The following TEF variants were observed in gnomAD, a reference collection of about 807,000 sequenced individuals.
The protein encoded by TEF is TEF transcription factor, PAR bZIP family member, also known as thyrotroph embryonic factor.
A neutral mutation model predicts 20.8 loss-of-function variants in TEF; 3 were observed. That is an observed-to-expected ratio of 0.14 (90% confidence interval 0.07 to 0.37). TEF has a LOEUF of 0.37. TEF is among the 10% of genes least tolerant of loss of function. TEF has a pLI of 1.00. For missense variants in TEF, 296 were observed against 397.9 expected, an observed-to-expected ratio of 0.74 and a Z score of 2.18; for synonymous variants, 180 against 171.1, an observed-to-expected ratio of 1.05 and a Z score of -0.41.
upstream of TEF, among the ~76,000 whole-genome samples, chr22:41,379,083 G>C (rs527437054): frequency 1.3e-3 from 203 of 152,288 alleles, no homozygotes; most frequent in African/African-American, 4.7e-3. Flanking sequence ...GCTCACGCCT[G>C]TAATCCCAGC....
intron 1 of TEF, chr22:41,370,149 TC>T (rs2145958441): frequency 1.0e-6 from 1 of 966,744 alleles, no homozygotes; most frequent in South Asian, 4.8e-5. Context: ...AGAGTCTTGC[TC>T]TATCGCCAGG....
upstream of TEF, among the ~76,000 whole-genome samples, chr22:41,380,170 G>A (rs190109402): frequency 2.5e-4 from 38 of 151,836 alleles, no homozygotes; most frequent in Admixed American, 2.1e-3. Flanking sequence ...TTATTTTTTT[G>A]ACATGGAGTC....
chr22:41,382,400 G>A (rs1371236092), intron 1 of TEF, among the ~76,000 whole-genome samples, 199 bp downstream of exon 1: 3 of 152,018 alleles, frequency 2.0e-5, no homozygotes, highest in Non-Finnish European at 4.4e-5. Flanking sequence ...GAGACGGTGG[G>A]TCTGGCGGGA....
At chr22:41,385,047 G>C (rs568917871) in intron 1 of TEF, among the ~76,000 whole-genome samples, 1 of 152,114 alleles carries the variant, frequency 6.6e-6, no homozygotes, top group Admixed American at 6.6e-5. Context: ...ATCCCACTGC[G>C]CATGGCTGTA....
intron 3 of TEF, among the ~76,000 whole-genome samples, chr22:41,395,052 G>A (rs1440800149): frequency 6.6e-6 from 1 of 152,162 alleles, no homozygotes; most frequent in East Asian, 1.9e-4. Flanking sequence ...TGTCACCCAG[G>A]CTGGAGTGCA....
intron 3 of TEF, 87 bp from the exon 4 acceptor site, chr22:41,395,658 G>A: frequency 7.4e-7 from 1 of 1,358,840 alleles, no homozygotes; most frequent in Non-Finnish European, 1.0e-6. Context: ...CACCAGATGA[G>A]TTAGGGGAAT....
Position 41,396,486 on chromosome 22 carries a change from C to T in TEF, c.*526C>T, listed in dbSNP as rs767522447. ...CTTCCTTGGAAGCAGGACACACCAGCTCCTCCGTCAGTGTCTGCATGGGTA... is the reference window on the plus strand; with the variant it reads ...CTTCCTTGGAAGCAGGACACACCAGTTCCTCCGTCAGTGTCTGCATGGGTA... On this transcript the variant is annotated 3_prime_UTR_variant, in exon 4 of 4. Coordinates refer to ENST00000266304, the MANE Select transcript of TEF (RefSeq NM_003216.4). 2.1e-4 allele frequency: 35 copies of T among 165,470 alleles called. No individual in the cohort carries two copies. Among genetic ancestry groups the T allele is most frequent in the Non-Finnish European group, 3.9e-4 (30 of 77,258 alleles). 10.3% of individuals were successfully genotyped at this position (165,470 alleles called of 1,614,324 possible).
In TEF at chr22:41,398,064, G is replaced by A. The variant is rs1041427977; in HGVS notation, c.*2104G>A. 2 of 152,150 alleles carry A rather than the reference G, an allele frequency of 1.3e-5. No individual in the cohort carries two copies. Among genetic ancestry groups the A allele is most frequent in the Non-Finnish European group, 2.9e-5 (2 of 68,040 alleles). The allele number at this position is 152,150 out of a possible 1,614,324, so 9.4% of individuals were successfully genotyped here. A position where few individuals can be genotyped will look rare whatever the true frequency, so the allele number is the denominator to read the frequency against. On this transcript the variant is annotated 3_prime_UTR_variant, in exon 4 of 4. Coordinates refer to ENST00000266304, the MANE Select transcript of TEF (RefSeq NM_003216.4). ...CTTTCCCCCAGGCAGTGGGTATCGG[G>A]TTCTTTCCCAAAGTGCTTACTTGGA...
At chr22:41,392,810 G>A (rs543727266) in intron 2 of TEF, among the ~76,000 whole-genome samples, 1 of 152,088 alleles carries the variant, frequency 6.6e-6, no homozygotes, top group Non-Finnish European at 1.5e-5. Flanking sequence ...GCCGAGGCGG[G>A]TGGATCACTT....
At chr22:41,372,835 G>T (rs547096838) in intron 1 of TEF, among the ~76,000 whole-genome samples, 6 of 152,248 alleles carry the variant, frequency 3.9e-5, no homozygotes, top group African/African-American at 1.4e-4. Context: ...TGGAGGCCTG[G>T]AGGGTGAGGA....
chr22:41,395,545 A>T (rs148282088), intron 3 of TEF, among the ~76,000 whole-genome samples, 200 bp from the exon 4 acceptor site: 50 of 152,170 alleles, frequency 3.3e-4, no homozygotes, highest in African/African-American at 9.6e-4. Flanking sequence ...AACGTACCAA[A>T]TAACTTTTGT....
chr22:41,376,571 C>T (rs1053656959), intron 1 of TEF, among the ~76,000 whole-genome samples: 2 of 152,192 alleles, frequency 1.3e-5, no homozygotes, highest in Non-Finnish European at 2.9e-5. Context: ...GTTTCTGGAA[C>T]AGTCGTGACT....
At chr22:41,395,121 C>T (rs928511536) in intron 3 of TEF, among the ~76,000 whole-genome samples, 1 of 152,132 alleles carries the variant, frequency 6.6e-6, no homozygotes, top group Non-Finnish European at 1.5e-5. Flanking sequence ...ATTCTTGTGC[C>T]TCACCCTCCT....
At chr22:41,387,831 A>G (rs369842133) in intron 2 of TEF, among the ~76,000 whole-genome samples, 163 bp downstream of exon 2, 1 of 152,156 alleles carries the variant, frequency 6.6e-6, no homozygotes, top group South Asian at 2.1e-4. Flanking sequence ...CCTTCCACAC[A>G]GTTCCCCGAG....
intron 1 of TEF, among the ~76,000 whole-genome samples, chr22:41,376,445 C>T (rs1257735396): frequency 2.0e-5 from 3 of 152,184 alleles, no homozygotes; most frequent in Non-Finnish European, 2.9e-5. Flanking sequence ...CCAGGCTGGT[C>T]TTGAACTGCT....
chr22:41,382,668 A>G (rs1248729842), intron 1 of TEF, among the ~76,000 whole-genome samples: 9 of 152,018 alleles, frequency 5.9e-5, no homozygotes, highest in Non-Finnish European at 1.3e-4. Flanking sequence ...GCGAACTGTC[A>G]TCGTACGTGG....
intron 1 of TEF, among the ~76,000 whole-genome samples, chr22:41,368,430 C>T (rs1489694937): frequency 6.6e-6 from 1 of 152,078 alleles, no homozygotes; most frequent in Non-Finnish European, 1.5e-5. Flanking sequence ...TCCCTCTCAT[C>T]CTGCTGTGCC....
At chr22:41,374,575 G>A (rs967692020) in intron 1 of TEF, among the ~76,000 whole-genome samples, 1 of 151,590 alleles carries the variant, frequency 6.6e-6, no homozygotes, top group African/African-American at 2.4e-5. Flanking sequence ...AATTAGCCAG[G>A]CAAGGCAGTG....
At chr22:41,374,684 C>T (rs1478124599) in intron 1 of TEF, among the ~76,000 whole-genome samples, 1 of 151,142 alleles carries the variant, frequency 6.6e-6, no homozygotes, top group Non-Finnish European at 1.5e-5. Context: ...TCACTGCACT[C>T]CAGCCTGGGG....
Sources: gnomAD v4.1 joint callset for allele counts (sites outside exome capture counted in the v4.1 genomes callset) on GRCh38, gnomAD v4.1.1 for gene constraint, MANE v1.5 for transcripts, NCBI Gene and HGNC (gene_info 2026-07-23, HGNC 2026-07-21) for gene names.